Variants in OSBPL8 observed in about 807,000 individuals in gnomAD.
OSBPL8 encodes the protein oxysterol binding protein like 8.
Under a neutral mutation model 125.5 loss-of-function variants are expected in OSBPL8, and 59 were observed. The observed-to-expected ratio is 0.47, with a 90% CI of 0.38 to 0.58. OSBPL8 has a LOEUF of 0.58. OSBPL8 is among the 20% of genes least tolerant of loss of function. OSBPL8 has a pLI of 0.00. For synonymous variants in OSBPL8, 330 were observed against 338.9 expected (o/e 0.97, Z 0.29); for missense variants, 758 against 1,047.8 (o/e 0.72, Z 3.82).
intron 12 of OSBPL8, among the ~76,000 whole-genome samples, chr12:76,389,052 T>C (rs1043463047): frequency 6.6e-6 from 1 of 152,066 alleles, no homozygotes; most frequent in Non-Finnish European, 1.5e-5. Flanking sequence ...CCTTGCAAAG[T>C]TTACTGGTTT....
chr12:76,412,838 C>T (rs1868284880), intron 4 of OSBPL8, among the ~76,000 whole-genome samples: 4 of 152,140 alleles, frequency 2.6e-5, no homozygotes, highest in Admixed American at 2.6e-4. Flanking sequence ...CATGCTGTTT[C>T]TACAATGCCA....
At chr12:76,424,564 G>A (rs899487036) in intron 4 of OSBPL8, among the ~76,000 whole-genome samples, 1 of 152,170 alleles carries the variant, frequency 6.6e-6, no homozygotes, top group Non-Finnish European at 1.5e-5. Context: ...CATTATGCTA[G>A]TATAATAGTT....
At chr12:76,446,790 G>A (rs1014083063) in intron 4 of OSBPL8, among the ~76,000 whole-genome samples, 2 of 151,866 alleles carry the variant, frequency 1.3e-5, no homozygotes, top group African/African-American at 4.8e-5. Context: ...AATCCTATGT[G>A]CTAAATACTA....
chr12:76,505,793 A>G (rs1880353176), intron 1 of OSBPL8, among the ~76,000 whole-genome samples: 1 of 152,212 alleles, frequency 6.6e-6, no homozygotes. Context: ...AATAGGGAAC[A>G]GTAGTGAGCA....
At chr12:76,482,474 G>A (rs1877616241) in intron 2 of OSBPL8, among the ~76,000 whole-genome samples, 1 of 152,098 alleles carries the variant, frequency 6.6e-6, no homozygotes, top group South Asian at 2.1e-4. Context: ...TTAGCCGGGC[G>A]TGGTGGCGCA....
chr12:76,415,653 T>A (rs1002274640), intron 4 of OSBPL8, among the ~76,000 whole-genome samples: 3 of 152,258 alleles, frequency 2.0e-5, no homozygotes, highest in Non-Finnish European at 2.9e-5. Context: ...TTATTTCATT[T>A]GAACTTTTGA....
At chr12:76,525,334 A>G (rs1486259996) in intron 1 of OSBPL8, among the ~76,000 whole-genome samples, 1 of 152,240 alleles carries the variant, frequency 6.6e-6, no homozygotes, top group African/African-American at 2.4e-5. Context: ...CAATCTCTGA[A>G]GGTCTTTTTA....
chr12:76,420,498 A>T (rs1869335896), intron 4 of OSBPL8, among the ~76,000 whole-genome samples: 1 of 152,046 alleles, frequency 6.6e-6, no homozygotes, highest in South Asian at 2.1e-4. Flanking sequence ...TGTCACATCC[A>T]TGTTATAGCT....
intron 1 of OSBPL8, among the ~76,000 whole-genome samples, chr12:76,541,680 C>A (rs1199679089): frequency 1.3e-5 from 2 of 151,898 alleles, no homozygotes; most frequent in East Asian, 3.9e-4. Context: ...CATGGCGAAA[C>A]CCTGTCTCTA....
At chr12:76,513,357 C>T (rs1158484367) in intron 1 of OSBPL8, among the ~76,000 whole-genome samples, 1 of 152,194 alleles carries the variant, frequency 6.6e-6, no homozygotes, top group Non-Finnish European at 1.5e-5. Flanking sequence ...TATGTGATTG[C>T]TTTCGGAGTA....
chr12:76,455,551 T>C (rs1251895759), intron 3 of OSBPL8, among the ~76,000 whole-genome samples: 2 of 152,202 alleles, frequency 1.3e-5, no homozygotes, highest in East Asian at 1.9e-4. Flanking sequence ...TCGATGGAAG[T>C]ATTACTACAT....
intron 4 of OSBPL8, among the ~76,000 whole-genome samples, chr12:76,423,881 C>T (rs577799969): frequency 3.1e-4 from 47 of 152,264 alleles, no homozygotes; most frequent in African/African-American, 1.1e-3. Flanking sequence ...ATCTCAGTAT[C>T]CTTCCTTATT....
chr12:76,450,714 A>C (rs985430300), intron 4 of OSBPL8, 137 bp downstream of exon 4: 2 of 839,372 alleles, frequency 2.4e-6, no homozygotes, highest in African/African-American at 3.5e-5. Flanking sequence ...GACCTAAACA[A>C]AACAAACAAA....
intron 2 of OSBPL8, among the ~76,000 whole-genome samples, chr12:76,482,351 C>A (rs569788353): frequency 6.6e-6 from 1 of 152,312 alleles, no homozygotes; most frequent in African/African-American, 2.4e-5. Context: ...CAGTGGCTCA[C>A]GCCTGTAATC....
At chr12:76,404,879 C>T (rs1402833185) in intron 5 of OSBPL8, among the ~76,000 whole-genome samples, 1 of 152,084 alleles carries the variant, frequency 6.6e-6, no homozygotes, top group Non-Finnish European at 1.5e-5. Flanking sequence ...AGGGTCAGTG[C>T]CCCTAACTTG....
At chr12:76,455,675 T>C (rs1873948019) in intron 3 of OSBPL8, among the ~76,000 whole-genome samples, 1 of 152,130 alleles carries the variant, frequency 6.6e-6, no homozygotes, top group Non-Finnish European at 1.5e-5. Flanking sequence ...CCTCACCCCA[T>C]TCACAAGCAT....
chr12:76,466,823 G>C (rs533183397), intron 2 of OSBPL8, among the ~76,000 whole-genome samples: 4 of 152,170 alleles, frequency 2.6e-5, no homozygotes, highest in Admixed American at 1.3e-4. Context: ...AGCCAGGCAT[G>C]CTGGCAGGTG....
At chr12:76,433,715 C>T (rs922650436) in intron 4 of OSBPL8, among the ~76,000 whole-genome samples, 1 of 152,088 alleles carries the variant, frequency 6.6e-6, no homozygotes, top group Non-Finnish European at 1.5e-5. Flanking sequence ...TGGCTCACAC[C>T]TGTAATCCCA....
chr12:76,397,985 A>T, intron 7 of OSBPL8, 88 bp from the exon 8 acceptor site: 1 of 1,118,242 alleles, frequency 8.9e-7, no homozygotes, highest in Non-Finnish European at 1.3e-6. Flanking sequence ...TTTAATCTAA[A>T]ATTTCCATAA....
Sources: gnomAD v4.1 joint callset for allele counts (sites outside exome capture counted in the v4.1 genomes callset) on GRCh38, gnomAD v4.1.1 for gene constraint, MANE v1.5 for transcripts, NCBI Gene and HGNC (gene_info 2026-07-23, HGNC 2026-07-21) for gene names.